The following NTM variants were observed in gnomAD, a reference collection of about 807,000 sequenced individuals.
The protein encoded by NTM is neurotrimin, also known as IgLON family member 2.
In NTM, 13 loss-of-function variants were observed where a neutral mutation model predicts 42.1. That is an observed-to-expected ratio of 0.31 (90% CI 0.20 to 0.49). NTM has a LOEUF of 0.49. NTM is among the 20% of genes least tolerant of loss of function. The pLI, the probability that NTM is intolerant of heterozygous loss-of-function variation, is 0.99. For missense variants in NTM, 373 were observed against 452.8 expected (o/e 0.82, Z 1.60); for synonymous variants, 187 against 179.2 (o/e 1.04, Z -0.35).
At chr11:132,278,674 G>T (rs1047905775) in intron 4 of NTM, among the ~76,000 whole-genome samples, 1 of 151,684 alleles carries the variant, frequency 6.6e-6, no homozygotes, top group Admixed American at 6.6e-5. Flanking sequence ...AACACATTCT[G>T]TCTTAGCTTC....
At position 132,146,536 on chromosome 11, in the gene NTM, G is replaced by C. The variant is rs2070448913; in HGVS notation, c.400+22G>C. The C allele has an allele frequency of 6.2e-7, 1 of 1,609,388 alleles. No individual in the cohort carries two copies. Among genetic ancestry groups the C allele is most frequent in the African/African-American group, 1.3e-5 (1 of 74,968 alleles). ...CAAGGTAGGTGGGCGGGGCTTGGCG[G>C]GGAGATCTGGCTGGCCAGCCTGGAA... On this transcript the variant is annotated intron_variant, in intron 3 of 8. Coordinates refer to ENST00000683400, the MANE Select transcript of NTM (RefSeq NM_001352005.2). The surrounding 1 kb of genome is among the most constrained non-coding windows in gnomAD (Gnocchi z 4.5).
chr11:131,991,633 A>G (rs2067038030), intron 2 of NTM, among the ~76,000 whole-genome samples: 1 of 152,166 alleles, frequency 6.6e-6, no homozygotes, highest in Non-Finnish European at 1.5e-5. Context: ...AAATGTAGCT[A>G]TTTTAGGACA....
intron 1 of NTM, among the ~76,000 whole-genome samples, chr11:131,803,362 A>G (rs1418672868): frequency 2.0e-5 from 3 of 151,390 alleles, no homozygotes; most frequent in East Asian, 2.0e-4. Flanking sequence ...GTGCTGGAGT[A>G]CAGTGGTGCA....
chr11:131,802,435 G>A (rs971607276), intron 1 of NTM, among the ~76,000 whole-genome samples: 4 of 152,166 alleles, frequency 2.6e-5, no homozygotes, highest in Non-Finnish European at 4.4e-5. Flanking sequence ...CTCCAACTCT[G>A]CACCCACCAC....
At chr11:132,247,118 C>G (rs1353312019) in intron 4 of NTM, among the ~76,000 whole-genome samples, 1 of 152,224 alleles carries the variant, frequency 6.6e-6, no homozygotes, top group East Asian at 1.9e-4. Context: ...AGTGTGGCCC[C>G]TCCTCCTGGG....
chr11:131,699,577 CA>C (rs2075843800), intron 1 of NTM, among the ~76,000 whole-genome samples: 1 of 152,104 alleles, frequency 6.6e-6, no homozygotes, highest in Non-Finnish European at 1.5e-5. Flanking sequence ...AAGACAAACC[CA>C]AGACTGGGTA....
At chr11:131,482,878 G>A (rs1362997179) in intron 1 of NTM, among the ~76,000 whole-genome samples, 1 of 152,224 alleles carries the variant, frequency 6.6e-6, no homozygotes, top group Non-Finnish European at 1.5e-5. Flanking sequence ...TGTGATTTGT[G>A]TGGGGGAGTC....
intron 1 of NTM, among the ~76,000 whole-genome samples, chr11:131,548,007 G>C (rs919624698): frequency 6.6e-6 from 1 of 152,152 alleles, no homozygotes; most frequent in African/African-American, 2.4e-5. Flanking sequence ...AGGAGACAGA[G>C]GAGCTCAAAC....
intron 1 of NTM, among the ~76,000 whole-genome samples, chr11:131,501,103 G>A (rs113405542): frequency 2.6e-5 from 4 of 151,982 alleles, no homozygotes; most frequent in South Asian, 2.1e-4. Flanking sequence ...TCTGACTTCC[G>A]GACCTGCCTA....
intron 1 of NTM, among the ~76,000 whole-genome samples, chr11:131,555,932 A>G (rs1212755561): frequency 6.6e-6 from 1 of 152,188 alleles, no homozygotes; most frequent in Non-Finnish European, 1.5e-5. Flanking sequence ...AAACAAGGAA[A>G]TGTTCCAGAT....
chr11:131,957,355 G>A lies in NTM; in HGVS notation c.167+45707G>A, dbSNP rs1045928351. Among the ~76,000 whole-genome samples the A allele has an allele frequency of 3.3e-5, 5 of 152,174 alleles. 1 individual carries two copies. The highest frequency in any genetic ancestry group is 1.3e-4 in the Admixed American group (2 of 15,282). On this transcript the variant is annotated intron_variant, in intron 2 of 8. Transcript: ENST00000683400. The stretch of plus-strand genomic sequence containing the variant: ...GGCCCTGGCTTTGAAGGGAAGTAAT[G>A]CAACTTGGCCCAGTCTCTGGGTTTA...
At chr11:131,631,938 G>A (rs553423370) in intron 1 of NTM, among the ~76,000 whole-genome samples, 21 of 151,922 alleles carry the variant, frequency 1.4e-4, no homozygotes, top group Admixed American at 1.0e-3. Flanking sequence ...ATTTATTTCC[G>A]GGGACTTCTC....
intron 1 of NTM, among the ~76,000 whole-genome samples, chr11:131,474,504 T>TG (rs1203638330): frequency 6.6e-6 from 1 of 152,134 alleles, no homozygotes; most frequent in Non-Finnish European, 1.5e-5. Context: ...CAGAGTCACC[T>TG]GGATGGTTCC....
At chr11:132,119,124 C>T (rs533654529) in intron 2 of NTM, among the ~76,000 whole-genome samples, 45 of 152,312 alleles carry the variant, frequency 3.0e-4, no homozygotes, top group African/African-American at 8.7e-4. Context: ...TGGCATCAGC[C>T]GGTCTCCTCT....
At chr11:132,071,404 C>G (rs2057652261) in intron 2 of NTM, among the ~76,000 whole-genome samples, 1 of 152,050 alleles carries the variant, frequency 6.6e-6, no homozygotes, top group Admixed American at 6.6e-5. Context: ...GTCACACAGC[C>G]AAGTTAACAC....
At chr11:131,414,216 T>A (rs1401401038) in intron 1 of NTM, among the ~76,000 whole-genome samples, 1 of 152,270 alleles carries the variant, frequency 6.6e-6, no homozygotes, top group East Asian at 1.9e-4. Flanking sequence ...ACACTGTGGC[T>A]CTGTCCACCA....
At chr11:132,171,773 T>C (rs527943110) in intron 3 of NTM, among the ~76,000 whole-genome samples, 4 of 152,368 alleles carry the variant, frequency 2.6e-5, no homozygotes, top group African/African-American at 9.6e-5. Flanking sequence ...AGAAGATTTA[T>C]TGGATAGATA....
intron 4 of NTM, among the ~76,000 whole-genome samples, chr11:132,247,183 G>T (rs2091303570): frequency 6.6e-6 from 1 of 152,318 alleles, no homozygotes; most frequent in South Asian, 2.1e-4. Context: ...TCGCCCTGTG[G>T]TTTGCCATCT....
Position 131,598,874 on chromosome 11 carries a change from T to TCC in NTM, c.82+227986_82+227987insCC, listed in dbSNP as rs1291068164. ...CTTCCTTCCTTCCTTCCTTCCTTCCTTCTTCCTTCCTTCCTTCCTTCCTTC... is the reference window on the plus strand; with the variant it reads ...CTTCCTTCCTTCCTTCCTTCCTTCCTCCTCTTCCTTCCTTCCTTCCTTCCTTC... On this transcript the variant is annotated intron_variant, in intron 1 of 8. Coordinates refer to ENST00000683400, the MANE Select transcript of NTM (RefSeq NM_001352005.2). Among the ~76,000 whole-genome samples the TCC allele has an allele frequency of 1.8e-4, 6 of 33,744 alleles. 1 individual carries two copies. Among genetic ancestry groups the TCC allele is most frequent in the East Asian group, 2.2e-3 (2 of 900 alleles). The allele number at this position is 33,744 out of a possible 152,430, so 22.1% of individuals were successfully genotyped here.
Sources: allele counts gnomAD v4.1 joint callset (sites outside exome capture counted in the v4.1 genomes callset), GRCh38; gene constraint gnomAD v4.1.1; non-coding constraint Gnocchi (gnomAD v3.1); transcripts MANE v1.5; gene names NCBI Gene and HGNC (gene_info 2026-07-23, HGNC 2026-07-21).